Variants in UNC45A observed in about 807,000 individuals in gnomAD.
UNC45A encodes the protein unc-45 myosin chaperone A, also known as protein unc-45 homolog A.
UNC45A carries 78 observed loss-of-function variants against 103.2 expected under a neutral mutation model. The ratio of observed to expected loss-of-function variants is 0.76; its 90% confidence interval spans 0.63 to 0.91. The LOEUF (loss-of-function observed/expected upper bound fraction) is 0.91, where lower values mean the gene tolerates loss of function less well. Ranked by LOEUF, UNC45A falls within the 40% of genes least tolerant of loss-of-function variation. The pLI, the probability that UNC45A is intolerant of heterozygous loss-of-function variation, is 0.00. For synonymous variants in UNC45A, 495 were observed against 504.6 expected, an observed-to-expected ratio of 0.98 and a Z score of 0.25; for missense variants, 1,193 against 1,224.8, an observed-to-expected ratio of 0.97 and a Z score of 0.39.
chr15:90,942,234 T>C (rs971130190), intron 6 of UNC45A, among the ~76,000 whole-genome samples: 2 of 152,232 alleles, frequency 1.3e-5, no homozygotes, highest in Non-Finnish European at 2.9e-5. Flanking sequence ...TGCCGTGTAA[T>C]GTCTCCTTTA....
At chr15:90,951,694 C>T (rs58739094) in intron 17 of UNC45A, among the ~76,000 whole-genome samples, 15,117 of 152,176 alleles carry the variant, frequency 0.099, 1,935 homozygotes, top group African/African-American at 0.3. Context: ...TAAACCACAA[C>T]GGCACATGGT....
upstream of UNC45A, chr15:90,934,018 G>C (rs542286075): frequency 5.0e-6 from 2 of 399,062 alleles, no homozygotes; most frequent in African/African-American, 4.1e-5. Context: ...CCAGGACCAG[G>C]ACAGAGGTGG....
chr15:90,935,811 G>C lies in UNC45A; in HGVS notation c.213+106G>C. ...ACATTCACGCTCCCAGGCCATCCCCGCTTGCCAGATGTTTTTTGCACCTCA... is the reference window on the plus strand; with the variant it reads ...ACATTCACGCTCCCAGGCCATCCCCCCTTGCCAGATGTTTTTTGCACCTCA... On this transcript the variant is annotated intron_variant, in intron 2 of 19. Transcript: ENST00000418476. The C allele has an allele frequency of 3.3e-6, 5 of 1,535,824 alleles. No individual in the cohort carries two copies. In the Admixed American group the frequency reaches 8.2e-5, roughly 25 times the overall value.
At chr15:90,934,192 T>C (rs1406396829), upstream of UNC45A, 2 of 399,658 alleles carry the variant, frequency 5.0e-6, no homozygotes, top group Non-Finnish European at 8.8e-6. Context: ...CTATGGGCTA[T>C]TCCTGGGAAC....
At chr15:90,951,314 T>C (rs1287376307) in intron 17 of UNC45A, among the ~76,000 whole-genome samples, 1 of 152,176 alleles carries the variant, frequency 6.6e-6, no homozygotes, top group Non-Finnish European at 1.5e-5. Context: ...CAGCATGTTT[T>C]AGTTTTATTA....
chr15:90,932,569 G>A (rs1347142005), upstream of UNC45A: 1 of 1,204,762 alleles, frequency 8.3e-7, no homozygotes, highest in African/African-American at 1.6e-5. Flanking sequence ...GACTGCGGCC[G>A]CAGGGGCAGG....
intron 4 of UNC45A, 150 bp downstream of exon 4, chr15:90,936,610 A>G (rs2036036421): frequency 3.2e-6 from 3 of 929,268 alleles, no homozygotes; most frequent in Non-Finnish European, 4.7e-6. Context: ...ACAGCACATT[A>G]CTGTTGATTT....
At chr15:90,939,660 C>G in intron 4 of UNC45A, 71 bp from the exon 5 acceptor site, 1 of 1,532,642 alleles carries the variant, frequency 6.5e-7, no homozygotes, top group Non-Finnish European at 9.0e-7. Flanking sequence ...GAGCTGGAGA[C>G]AAATGAATAG....
Position 90,936,439 on chromosome 15 carries a change from C to T in UNC45A, c.405C>T (p.Ile135=), listed in dbSNP as rs199831896. 560 of 1,614,062 alleles carry T rather than the reference C, an allele frequency of 3.5e-4. 4 individuals carry two copies. Among genetic ancestry groups the T allele is most frequent in the South Asian group, 2.5e-3 (225 of 91,076 alleles). The change falls in exon 4 of 20, where the codon ATC becomes ATT. Residue 135 remains isoleucine, a synonymous_variant. Transcript: ENST00000418476. ...NKVFQEALRN[I]GGQIQEKVRY... ...TTTTCCAGGAGGCCTTGCGGAACATCGGGGGCCAGATTCAGGAGAAGGTAT... is the reference window on the plus strand; with the variant it reads ...TTTTCCAGGAGGCCTTGCGGAACATTGGGGGCCAGATTCAGGAGAAGGTAT...
chr15:90,948,751 TG>T lies in UNC45A; in HGVS notation c.1837del (p.Ala613ProfsTer24). On this transcript the variant is annotated frameshift_variant, in exon 13 of 20. Transcript: ENST00000418476. LOFTEE classifies it high-confidence loss of function. Reference sequence around the variant, plus strand: ...GAGCCCGACCCCAAGATGGTGGAGCTGGCCAAGTATGCCAAGCAGCATGTGC... The same window carrying T: ...GAGCCCGACCCCAAGATGGTGGAGCTGCCAAGTATGCCAAGCAGCATGTGC... Reference protein sequence around the residue: ...YEEPDPKMVELAKYAKQHVPE... With the variant: ...YEEPDPKMVEXAKYAKQHVPE... The T allele has an allele frequency of 6.2e-7, 1 of 1,613,176 alleles. No individual in the cohort carries two copies. Among genetic ancestry groups the T allele is most frequent in the Non-Finnish European group, 8.5e-7 (1 of 1,179,794 alleles).
chr15:90,952,429 T>TC (rs530247258), intron 17 of UNC45A: 338 of 155,246 alleles, frequency 2.2e-3, no homozygotes, highest in African/African-American at 7.3e-3. Context: ...ACACACTTTT[T>TC]TTTTTTTTGA....
intron 8 of UNC45A, among the ~76,000 whole-genome samples, chr15:90,943,443 AAAAG>A (rs1401737074): frequency 2.0e-5 from 3 of 151,568 alleles, no homozygotes; most frequent in Non-Finnish European, 4.4e-5. Flanking sequence ...AAAAAAAAAA[AAAAG>A]AAAGAAAAGT....
rs2036375410 is a variant in UNC45A, at chr15:90,943,063, C to T, written c.1008C>T (p.Thr336=). 6 of 1,612,648 alleles carry T rather than the reference C, an allele frequency of 3.7e-6. No individual in the cohort carries two copies. Among genetic ancestry groups the T allele is most frequent in the Non-Finnish European group, 5.1e-6 (6 of 1,179,262 alleles). The change falls in exon 8 of 20, where the codon ACC becomes ACT. Residue 336 remains threonine, a synonymous_variant. Transcript: ENST00000418476. ...KSLKDPNNSL[T]LWVIDQGLKK... ...TCAAGGACCCCAACAACAGCCTCAC[C>T]CTCTGGGTCATCGACCAAGGTAGGT...
rs80012563 is a variant in UNC45A, at chr15:90,946,565, T to C, written c.1200-49T>C. ...TGGAGGGGAAGGGAGGGAAGAAGAG[T>C]CCCTTTATGTTGGCCTTGGTGTGAC... On this transcript the variant is annotated intron_variant, in intron 9 of 19. Coordinates refer to ENST00000418476, the MANE Select transcript of UNC45A (RefSeq NM_018671.5). 1.3e-3 allele frequency: 1,957 copies of C among 1,519,620 alleles called. 1 individual carries two copies. The highest frequency in any genetic ancestry group is 1.7e-3 in the Non-Finnish European group (1,902 of 1,130,138). The allele number at this position is 1,519,620 out of a possible 1,614,324, so 94.1% of individuals were successfully genotyped here.
intron 8 of UNC45A, 45 bp downstream of exon 8, chr15:90,943,127 T>G (rs983511201): frequency 1.3e-6 from 2 of 1,563,384 alleles, no homozygotes; most frequent in Admixed American, 1.8e-5. Flanking sequence ...AGCTGAAGTT[T>G]GTTTATTCTT....
intron 15 of UNC45A, 49 bp downstream of exon 15, chr15:90,949,769 A>G (rs746419445): frequency 1.9e-6 from 3 of 1,587,102 alleles, no homozygotes; most frequent in Non-Finnish European, 1.7e-6. Context: ...ATCAGCCTAT[A>G]AAACATGACT....
chr15:90,948,632 G>A, intron 12 of UNC45A, 22 bp from the exon 13 acceptor site: 1 of 1,611,576 alleles, frequency 6.2e-7, no homozygotes, highest in South Asian at 1.1e-5. Flanking sequence ...ATGCCCATGT[G>A]AATTCCTCTG....
chr15:90,939,175 T>C (rs956350975), intron 4 of UNC45A, among the ~76,000 whole-genome samples: 1 of 152,040 alleles, frequency 6.6e-6, no homozygotes, highest in African/African-American at 2.4e-5. Flanking sequence ...GAGATGGGGT[T>C]TCACCTTGTT....
upstream of UNC45A, chr15:90,932,269 C>A: frequency 2.3e-6 from 2 of 863,302 alleles, no homozygotes; most frequent in Non-Finnish European, 3.5e-6. Context: ...ACAAAGGGAA[C>A]GATCATGCCT....
Sources: allele counts gnomAD v4.1 joint callset (sites outside exome capture counted in the v4.1 genomes callset), GRCh38; gene constraint gnomAD v4.1.1; transcripts MANE v1.5; gene names NCBI Gene and HGNC (gene_info 2026-07-23, HGNC 2026-07-21).